Variants in CHD9 observed in about 807,000 individuals in gnomAD.
CHD9 encodes the protein ATP-dependent chromatin remodeler CHD9.
Under a neutral mutation model 316.1 loss-of-function variants are expected in CHD9, and 77 were observed. The ratio of observed to expected loss-of-function variants is 0.24; its 90% CI spans 0.20 to 0.29. The LOEUF is 0.29. Among genes scored for constraint, CHD9 ranks in the 10% least tolerant of loss-of-function variants. CHD9 has a pLI of 1.00. For synonymous variants in CHD9, 1,129 were observed against 1,158.3 expected, an observed-to-expected ratio of 0.97 and a Z score of 0.51; for missense variants, 2,763 against 3,438.1, an observed-to-expected ratio of 0.80 and a Z score of 4.91.
In CHD9 at chr16:53,154,379, A is replaced by G. The variant is rs188495777; in HGVS notation, c.-164-1547A>G. ...AATTTAATATGCAATGTATCACTTA[A>G]TCATTGTATCAAGTATGTAGGATAG... On this transcript the variant is annotated intron_variant, in intron 1 of 38. Coordinates refer to ENST00000447540, the MANE Select transcript of CHD9 (RefSeq NM_001308319.2). Among the ~76,000 whole-genome samples, 129 of 152,324 alleles carry G rather than the reference A, an allele frequency of 8.5e-4. 1 individual carries two copies. Among genetic ancestry groups the G allele is most frequent in the Non-Finnish European group, 4.0e-4 (27 of 68,026 alleles).
intron 1 of CHD9, among the ~76,000 whole-genome samples, chr16:53,082,505 T>C (rs2035116465): frequency 6.6e-6 from 1 of 152,240 alleles, no homozygotes; most frequent in African/African-American, 2.4e-5. Context: ...CCTCCTGAAG[T>C]GTTGGGATTA....
chr16:53,147,418 C>A (rs1405409452), intron 1 of CHD9, among the ~76,000 whole-genome samples: 1 of 152,214 alleles, frequency 6.6e-6, no homozygotes, highest in Non-Finnish European at 1.5e-5. Context: ...GTGGCATCAA[C>A]ATCATTCACA....
intron 1 of CHD9, among the ~76,000 whole-genome samples, chr16:53,132,758 G>T (rs1185975626): frequency 7.9e-6 from 1 of 126,190 alleles, no homozygotes; most frequent in African/African-American, 2.9e-5. Flanking sequence ...TCTGTATTAT[G>T]TATCTTCGAA....
chr16:53,279,144 T>C (rs1316563076), intron 24 of CHD9, among the ~76,000 whole-genome samples: 13 of 151,976 alleles, frequency 8.6e-5, no homozygotes. Flanking sequence ...ATTAAGAAAA[T>C]GTGGCACATA....
intron 1 of CHD9, among the ~76,000 whole-genome samples, chr16:53,074,400 A>C (rs1451660020): frequency 2.0e-5 from 3 of 152,206 alleles, no homozygotes; most frequent in Non-Finnish European, 4.4e-5. Context: ...AGGCTGCAAA[A>C]ATTTGCATAA....
chr16:53,238,353 A>G lies in CHD9; in HGVS notation c.2644A>G (p.Ile882Val). ...ATTTGTTTATTTCAGACGAAACTGC[A>G]TCTTAGCAGATGAAATGGGTCTTGG... ...LFNWYNRRNC[I>V]LADEMGLGKT... Residue 882 changes from isoleucine to valine, a missense_variant, in exon 12 of 39, where the codon ATC (isoleucine) becomes GTC (valine). Ile to Val is a conservative substitution (Grantham distance 29). Coordinates refer to ENST00000447540, the MANE Select transcript of CHD9 (RefSeq NM_001308319.2). The G allele has an allele frequency of 6.2e-7, 1 of 1,612,276 alleles. No homozygotes were observed. The highest frequency in any genetic ancestry group is 8.5e-7 in the Non-Finnish European group (1 of 1,178,878).
intron 1 of CHD9, among the ~76,000 whole-genome samples, chr16:53,126,586 C>CTTTTT (rs200069064): frequency 2.9e-4 from 34 of 117,638 alleles, no homozygotes; most frequent in South Asian, 6.0e-4. Flanking sequence ...TTTCAGGATC[C>CTTTTT]TTTTTTTTTT....
chr16:53,093,561 G>A (rs2036128300), intron 1 of CHD9, among the ~76,000 whole-genome samples: 1 of 152,160 alleles, frequency 6.6e-6, no homozygotes, highest in Non-Finnish European at 1.5e-5. Flanking sequence ...GTCATACAAG[G>A]TTCCTGCCTT....
intron 22 of CHD9, among the ~76,000 whole-genome samples, chr16:53,269,766 A>G (rs1256717247): frequency 6.6e-6 from 1 of 152,166 alleles, no homozygotes. Context: ...AGAGGTATCT[A>G]TTCACAGCCA....
chr16:53,288,139 T>A, intron 27 of CHD9, 125 bp downstream of exon 27: 1 of 691,516 alleles, frequency 1.4e-6, no homozygotes, highest in Non-Finnish European at 2.6e-6. Context: ...TCAGATTAGC[T>A]AAGTAAGTGA....
intron 4 of CHD9, chr16:53,223,361 A>G (rs769689040): frequency 1.3e-5 from 2 of 152,114 alleles, no homozygotes; most frequent in Admixed American, 6.6e-5. Flanking sequence ...TCTAATAACT[A>G]AAGTATGACT....
intron 1 of CHD9, among the ~76,000 whole-genome samples, chr16:53,070,484 CTTT>C: frequency 1.3e-5 from 2 of 148,502 alleles, no homozygotes; most frequent in African/African-American, 5.1e-5. Flanking sequence ...TTCTTTCTTT[CTTT>C]CTTTCCTTCC....
At chr16:53,075,589 C>A (rs139057550) in intron 1 of CHD9, among the ~76,000 whole-genome samples, 35 of 152,120 alleles carry the variant, frequency 2.3e-4, no homozygotes, top group East Asian at 1.7e-3. Context: ...ATAAGTCTCA[C>A]GAGATCTGAT....
At position 53,306,638 on chromosome 16, in the gene CHD9, G is replaced by A. The variant is rs149501642; in HGVS notation, c.6780+241G>A. Reference sequence around the variant, plus strand: ...AAAGATAATGAATCCTTACTTTCAAGTTAATCCTAAAGTGCTTCTTTATGA... The same window carrying A: ...AAAGATAATGAATCCTTACTTTCAAATTAATCCTAAAGTGCTTCTTTATGA... On this transcript the variant is annotated intron_variant, in intron 32 of 38. Coordinates refer to ENST00000447540, the MANE Select transcript of CHD9 (RefSeq NM_001308319.2). 1.3e-3 allele frequency among the ~76,000 whole-genome samples: 195 copies of A among 152,284 alleles called. 1 individual carries two copies. The highest frequency in any genetic ancestry group is 4.3e-3 in the African/African-American group (180 of 41,562).
chr16:53,119,452 T>C (rs1309816312), intron 1 of CHD9, among the ~76,000 whole-genome samples: 2 of 152,164 alleles, frequency 1.3e-5, no homozygotes, highest in Non-Finnish European at 2.9e-5. Context: ...TGTAAGCTCT[T>C]CCCATGATCC....
At chr16:53,069,316 A>T (rs771416555) in intron 1 of CHD9, among the ~76,000 whole-genome samples, 7 of 152,148 alleles carry the variant, frequency 4.6e-5, no homozygotes, top group African/African-American at 7.2e-5. Flanking sequence ...CATTTTCTTT[A>T]GTTCAATGCA....
chr16:53,263,499 G>A (rs1002743446), intron 20 of CHD9, among the ~76,000 whole-genome samples: 5 of 152,032 alleles, frequency 3.3e-5, no homozygotes, highest in African/African-American at 1.2e-4. Flanking sequence ...TTTTTAAACT[G>A]CTTCTCTTAT....
intron 1 of CHD9, among the ~76,000 whole-genome samples, chr16:53,137,125 C>T (rs1486045614): frequency 2.0e-5 from 3 of 152,038 alleles, no homozygotes; most frequent in African/African-American, 4.8e-5. Context: ...AAGCACCTGC[C>T]ACCACGCCCA....
At position 53,132,904 on chromosome 16, in the gene CHD9, G is replaced by A. The variant is rs182652181; in HGVS notation, c.-164-23022G>A. On this transcript the variant is annotated intron_variant, in intron 1 of 38. Coordinates refer to ENST00000447540, the MANE Select transcript of CHD9 (RefSeq NM_001308319.2). Reference sequence around the variant, plus strand: ...GCTCACTGCAACCTCTTCCTCCCAGGTTCAAGCAGTTCTCCAACCTCAGCC... The same window carrying A: ...GCTCACTGCAACCTCTTCCTCCCAGATTCAAGCAGTTCTCCAACCTCAGCC... Among the ~76,000 whole-genome samples the A allele has an allele frequency of 4.5e-3, 669 of 149,662 alleles. 5 individuals carry two copies. Among genetic ancestry groups the A allele is most frequent in the African/African-American group, 0.015 (610 of 40,490 alleles).
Sources: gnomAD v4.1 joint callset for allele counts (sites outside exome capture counted in the v4.1 genomes callset) on GRCh38, gnomAD v4.1.1 for gene constraint, MANE v1.5 for transcripts, NCBI Gene and HGNC (gene_info 2026-07-23, HGNC 2026-07-21) for gene names.